PLCB1: variants seen among roughly 807,000 people sequenced by gnomAD.
PLCB1 encodes 1-phosphatidylinositol 4,5-bisphosphate phosphodiesterase beta-1.
Under a neutral mutation model 161.8 loss-of-function variants are expected in PLCB1, and 46 were observed. The ratio of observed to expected loss-of-function variants is 0.28; its 90% confidence interval spans 0.22 to 0.36. The LOEUF (loss-of-function observed/expected upper bound fraction) is 0.36. Among genes scored for constraint, PLCB1 ranks in the 10% least tolerant of loss-of-function variants. The pLI is 1.00. For synonymous variants in PLCB1, 517 were observed against 503.7 expected, an observed-to-expected ratio of 1.03 and a Z score of -0.35; for missense variants, 1,016 against 1,472.5, an observed-to-expected ratio of 0.69 and a Z score of 5.07.
chr20:8,231,594 G>T (rs904600910), intron 2 of PLCB1, among the ~76,000 whole-genome samples: 1 of 152,160 alleles, frequency 6.6e-6, no homozygotes, highest in African/African-American at 2.4e-5. Context: ...TTGTCAGCAG[G>T]TGTTTCTTCT....
chr20:8,790,389 G>A, intron 31 of PLCB1, 128 bp downstream of exon 31: 1 of 629,962 alleles, frequency 1.6e-6, no homozygotes. Context: ...TGAAACTCAT[G>A]TATCTTTCTC....
At chr20:8,408,902 A>G (rs1382451415) in intron 3 of PLCB1, among the ~76,000 whole-genome samples, 1 of 152,238 alleles carries the variant, frequency 6.6e-6, no homozygotes, top group Non-Finnish European at 1.5e-5. Flanking sequence ...TATTGCTAAT[A>G]GCTATGTAAT....
At position 8,740,465 on chromosome 20, in the gene PLCB1, A is replaced by C; in HGVS notation, c.2413+17A>C. Reference sequence around the variant, plus strand: ...CATATGCAGGTAAACAACTTAACTCAAATACCACTTTACTCAAAGGGGTAT... The same window carrying C: ...CATATGCAGGTAAACAACTTAACTCCAATACCACTTTACTCAAAGGGGTAT... On this transcript the variant is annotated intron_variant, in intron 22 of 31. Transcript: ENST00000338037. 120 of 1,380,672 alleles carry C rather than the reference A, an allele frequency of 8.7e-5. No homozygotes were observed. The highest frequency in any genetic ancestry group is 1.1e-4 in the Non-Finnish European group (108 of 1,000,154). 85.5% of individuals were successfully genotyped at this position (1,380,672 alleles called of 1,614,324 possible).
intron 2 of PLCB1, among the ~76,000 whole-genome samples, chr20:8,242,757 G>A (rs1003109438): frequency 1.3e-5 from 2 of 151,936 alleles, no homozygotes; most frequent in Admixed American, 1.3e-4. Context: ...TAGCTCCAGG[G>A]ATAGGGACAA....
intron 3 of PLCB1, among the ~76,000 whole-genome samples, chr20:8,578,344 C>G (rs1318472685): frequency 6.6e-6 from 1 of 152,170 alleles, no homozygotes; most frequent in Non-Finnish European, 1.5e-5. Context: ...ATGATCAACT[C>G]TCAACAGTCC....
At chr20:8,519,616 C>G (rs985384809) in intron 3 of PLCB1, among the ~76,000 whole-genome samples, 1 of 151,916 alleles carries the variant, frequency 6.6e-6, no homozygotes, top group South Asian at 2.1e-4. Flanking sequence ...CCTAGTTTCC[C>G]AGGGTAAATA....
At position 8,883,883 on chromosome 20, in the gene PLCB1, G is replaced by A. The variant is rs569706397; in HGVS notation, c.*2034G>A. ...AAAGAAAGGCGTTAATCATAAAGAA[G>A]CAAGAATGGTCAAAATCGAATGCTG... On this transcript the variant is annotated 3_prime_UTR_variant, in exon 32 of 32. Coordinates refer to ENST00000338037, the MANE Select transcript of PLCB1 (RefSeq NM_015192.4). 8 of 152,564 alleles carry A rather than the reference G, an allele frequency of 5.2e-5. No individual in the cohort carries two copies. Among genetic ancestry groups the A allele is most frequent in the Admixed American group, 5.2e-4 (8 of 15,258 alleles). The allele number at this position is 152,564 out of a possible 1,614,324, so 9.5% of individuals were successfully genotyped here. A position where few individuals can be genotyped will look rare whatever the true frequency, so the allele number is the denominator to read the frequency against.
intron 26 of PLCB1, among the ~76,000 whole-genome samples, chr20:8,772,132 C>T (rs926228887): frequency 1.1e-4 from 16 of 150,868 alleles, no homozygotes; most frequent in African/African-American, 3.2e-4. Context: ...CTGCCCACCT[C>T]GGCCCCCAAA....
chr20:8,835,120 A>G (rs1227828032), intron 31 of PLCB1, among the ~76,000 whole-genome samples: 1 of 152,166 alleles, frequency 6.6e-6, no homozygotes, highest in Admixed American at 6.5e-5. Context: ...AAAATTAACC[A>G]TAACAGGAGA....
chr20:8,253,551 G>A (rs1210235218), intron 2 of PLCB1, among the ~76,000 whole-genome samples: 2 of 151,974 alleles, frequency 1.3e-5, no homozygotes, highest in Admixed American at 1.3e-4. Flanking sequence ...TGAATTTGTG[G>A]TTTTATTCAC....
At chr20:8,576,621 A>G (rs1363530225) in intron 3 of PLCB1, among the ~76,000 whole-genome samples, 1 of 152,194 alleles carries the variant, frequency 6.6e-6, no homozygotes, top group African/African-American at 2.4e-5. Flanking sequence ...TATGTATTTT[A>G]TAAAGAAACA....
chr20:8,166,810 G>A (rs1281761943), intron 2 of PLCB1, among the ~76,000 whole-genome samples: 2 of 151,978 alleles, frequency 1.3e-5, no homozygotes, highest in Non-Finnish European at 2.9e-5. Context: ...CCTAGACACG[G>A]CATATTTCTT....
chr20:8,252,213 G>A (rs1033026520), intron 2 of PLCB1, among the ~76,000 whole-genome samples: 3 of 151,906 alleles, frequency 2.0e-5, no homozygotes, highest in African/African-American at 7.2e-5. Context: ...AGTCCTTGGT[G>A]AAGCTTGACT....
chr20:8,395,209 T>A (rs1396270054), intron 3 of PLCB1, among the ~76,000 whole-genome samples: 1 of 152,088 alleles, frequency 6.6e-6, no homozygotes, highest in Non-Finnish European at 1.5e-5. Context: ...TTGACTTTAT[T>A]ATTTTTGCCA....
chr20:8,277,141 C>T (rs770256638), intron 2 of PLCB1, among the ~76,000 whole-genome samples: 18 of 151,870 alleles, frequency 1.2e-4, no homozygotes, highest in Middle Eastern at 3.5e-3. Flanking sequence ...GCTGGGACTA[C>T]AGGTGCACAC....
intron 2 of PLCB1, among the ~76,000 whole-genome samples, chr20:8,191,080 A>C (rs1016027973): frequency 1.3e-5 from 2 of 152,058 alleles, no homozygotes; most frequent in African/African-American, 2.4e-5. Context: ...TTTTGAGCTG[A>C]ATACCTTTAT....
intron 23 of PLCB1, among the ~76,000 whole-genome samples, chr20:8,747,378 T>C (rs1981224760): frequency 6.6e-6 from 1 of 152,212 alleles, no homozygotes; most frequent in African/African-American, 2.4e-5. Context: ...TAAGACAGAG[T>C]ACCTGAAACT....
intron 3 of PLCB1, among the ~76,000 whole-genome samples, chr20:8,537,175 A>T (rs1985086937): frequency 6.6e-6 from 1 of 152,124 alleles, no homozygotes; most frequent in African/African-American, 2.4e-5. Flanking sequence ...AAGTTTATTA[A>T]AAAGCTTTAG....
chr20:8,788,860 T>C, intron 29 of PLCB1, 138 bp downstream of exon 29: 1 of 624,570 alleles, frequency 1.6e-6, no homozygotes, highest in Non-Finnish European at 2.8e-6. Flanking sequence ...AAAGATTCTT[T>C]TGGTAAGGTT....
Sources: gnomAD v4.1 joint callset for allele counts (sites outside exome capture counted in the v4.1 genomes callset) on GRCh38, gnomAD v4.1.1 for gene constraint, MANE v1.5 for transcripts, NCBI Gene and HGNC (gene_info 2026-07-23, HGNC 2026-07-21) for gene names.